LRRC66: variants seen among roughly 807,000 people sequenced by gnomAD.
LRRC66 encodes leucine-rich repeat-containing protein 66.
Under a neutral mutation model 24.6 loss-of-function variants are expected in LRRC66, and 29 were observed. That is an observed-to-expected ratio of 1.18 (90% CI 0.88 to 1.61). The LOEUF is 1.61. LRRC66 is among the 40% of genes most tolerant of loss of function. The pLI is 0.00. For missense variants in LRRC66, 1,124 were observed against 1,058.0 expected, an observed-to-expected ratio of 1.06 and a Z score of -0.87; for synonymous variants, 411 against 397.6, an observed-to-expected ratio of 1.03 and a Z score of -0.40.
intron 4 of LRRC66, among the ~76,000 whole-genome samples, chr4:51,996,644 C>A (rs1302671381): frequency 6.6e-6 from 1 of 152,150 alleles, no homozygotes; most frequent in Non-Finnish European, 1.5e-5. Context: ...TGATGATAAG[C>A]AGTTTAAAAA....
chr4:52,008,355 G>A, intron 2 of LRRC66, among the ~76,000 whole-genome samples: 1 of 150,266 alleles, frequency 6.7e-6, no homozygotes, highest in South Asian at 2.1e-4. Flanking sequence ...TGGATTATAA[G>A]TATAATATGC....
intron 2 of LRRC66, among the ~76,000 whole-genome samples, chr4:52,014,660 G>A (rs193115303): frequency 2.0e-4 from 31 of 152,282 alleles, no homozygotes; most frequent in African/African-American, 7.5e-4. Flanking sequence ...CTCAGCCATA[G>A]TCACAGAATC....
chr4:52,019,646 A>G (rs2110206258), intron 1 of LRRC66, among the ~76,000 whole-genome samples: 1 of 152,328 alleles, frequency 6.6e-6, no homozygotes, highest in East Asian at 1.9e-4. Context: ...AATACTAGAA[A>G]TTGAATTGAT....
Position 51,995,873 on chromosome 4 carries a change from C to G in LRRC66, c.1149G>C (p.Val383=). The change falls in exon 5 of 5, where the codon GTG becomes GTC. Residue 383 remains valine, a synonymous_variant. Transcript: ENST00000682860. ...TGAAGGCGACAAGGAATGTGATGAACACTGACAGGCACACCGCCAGAGCCA... is the reference window on the plus strand; with the variant it reads ...TGAAGGCGACAAGGAATGTGATGAAGACTGACAGGCACACCGCCAGAGCCA... ...QDLALAVCLS[V]FITFLVAFSL... is the part of the protein sequence containing the mutation. 6.2e-7 allele frequency: 1 copy of G among 1,614,172 alleles called. No individual in the cohort carries two copies.
intron 2 of LRRC66, among the ~76,000 whole-genome samples, chr4:52,006,033 G>A (rs1736575176): frequency 6.6e-6 from 1 of 152,166 alleles, no homozygotes; most frequent in Admixed American, 6.5e-5. Flanking sequence ...TACCTGCCTG[G>A]CCTATATAAG....
chr4:52,007,212 C>G (rs1397369442), intron 2 of LRRC66, among the ~76,000 whole-genome samples: 5 of 152,142 alleles, frequency 3.3e-5, no homozygotes, highest in Non-Finnish European at 7.3e-5. Flanking sequence ...CAGGATCTTG[C>G]TCTGTCACCA....
intron 1 of LRRC66, among the ~76,000 whole-genome samples, chr4:52,019,397 C>A (rs1367382461): frequency 6.6e-6 from 1 of 151,644 alleles, no homozygotes; most frequent in Non-Finnish European, 1.5e-5. Context: ...TCTATCTATC[C>A]AATGTTTTAC....
chr4:52,010,794 T>C (rs771678626), intron 2 of LRRC66, among the ~76,000 whole-genome samples: 2 of 152,178 alleles, frequency 1.3e-5, no homozygotes, highest in Non-Finnish European at 2.9e-5. Flanking sequence ...TTTTGTAGAA[T>C]GATTTATTTT....
intron 3 of LRRC66, among the ~76,000 whole-genome samples, chr4:51,999,684 C>G (rs1220955635): frequency 6.6e-6 from 1 of 151,988 alleles, no homozygotes; most frequent in East Asian, 1.9e-4. Context: ...AGAAGCAAAA[C>G]TGGAGGGAGG....
chr4:52,008,749 G>A (rs996294884), intron 2 of LRRC66, among the ~76,000 whole-genome samples: 1 of 152,028 alleles, frequency 6.6e-6, no homozygotes, highest in Non-Finnish European at 1.5e-5. Context: ...ATCAGGAGTA[G>A]ACCCAGAGTA....
At position 51,995,358 on chromosome 4, in the gene LRRC66, A is replaced by G. The variant is rs778760105; in HGVS notation, c.1664T>C (p.Val555Ala). 1.9e-6 allele frequency: 3 copies of G among 1,614,104 alleles called. No homozygotes were observed. The highest frequency in any genetic ancestry group is 2.5e-6 in the Non-Finnish European group (3 of 1,180,014). The change falls in exon 5 of 5, where the codon GTC becomes GCC. Residue 555 changes from valine (V) to alanine (A), a missense_variant. Transcript: ENST00000682860. ...GTGAGACGTGCCAGCTACAGAAGAGACGCCCACTGAATGTGCACTGAGAGG... is the reference window on the plus strand; with the variant it reads ...GTGAGACGTGCCAGCTACAGAAGAGGCGCCCACTGAATGTGCACTGAGAGG... Reference protein sequence around the residue: ...EEPLSAHSVGVSSVAGTSHAV... With the variant: ...EEPLSAHSVGASSVAGTSHAV...
At position 51,996,269 on chromosome 4, in the gene LRRC66, T is replaced by G. The variant is rs1736315518; in HGVS notation, c.857-104A>C. ...TTGAAAAAAATTCAATTTTTTTGAA[T>G]TTTGAATTCCAGGCACACCCAGCCT... On this transcript the variant is annotated intron_variant, in intron 4 of 4. Coordinates refer to ENST00000682860, the MANE Select transcript of LRRC66 (RefSeq NM_001024611.3). 1.0e-5 allele frequency: 12 copies of G among 1,180,246 alleles called. No individual in the cohort carries two copies. In the South Asian group the frequency reaches 1.7e-4, roughly 16 times the overall value. The allele number at this position is 1,180,246 out of a possible 1,614,324, so 73.1% of individuals were successfully genotyped here. A position where few individuals can be genotyped will look rare whatever the true frequency, so the allele number is the denominator to read the frequency against.
intron 2 of LRRC66, among the ~76,000 whole-genome samples, chr4:52,010,283 C>T (rs1388216008): frequency 2.0e-5 from 3 of 152,082 alleles, no homozygotes; most frequent in Admixed American, 2.0e-4. Flanking sequence ...TGAACCTTTC[C>T]CCACAGTTCA....
At chr4:52,002,593 C>T (rs943675133) in intron 3 of LRRC66, among the ~76,000 whole-genome samples, 2 of 152,224 alleles carry the variant, frequency 1.3e-5, no homozygotes, top group Non-Finnish European at 2.9e-5. Context: ...AGATTAACTG[C>T]AACGCGCCAG....
chr4:51,995,950 TTCTAACACTCCTTGGCAGCCGTC>T lies in LRRC66; in HGVS notation c.1049_1071del (p.Arg350LysfsTer45), dbSNP rs753631591. 6.2e-7 allele frequency: 1 copy of T among 1,614,048 alleles called. No homozygotes were observed. The highest frequency in any genetic ancestry group is 1.7e-5 in the Admixed American group (1 of 60,010). On this transcript the variant is annotated frameshift_variant, in exon 5 of 5. Transcript: ENST00000682860. LOFTEE classifies it low-confidence loss of function (END_TRUNC). The stretch of plus-strand genomic sequence containing the variant: ...CCGGCAGCCTGCACATCGCGGGTGC[TTCTAACACTCCTTGGCAGCCGTC>T]TCTGCTTCTTCCTGAGACCAGAGCC...
chr4:52,018,678 AGGGCT>A (rs1318304139), intron 1 of LRRC66: 3 of 851,836 alleles, frequency 3.5e-6, no homozygotes, highest in Non-Finnish European at 4.2e-6. Context: ...AAATCCTCAA[AGGGCT>A]CCTTATTGCC....
At chr4:51,996,343 C>A (rs889424607) in intron 4 of LRRC66, among the ~76,000 whole-genome samples, 178 bp from the exon 5 acceptor site, 33 of 152,250 alleles carry the variant, frequency 2.2e-4, no homozygotes, top group Admixed American at 1.4e-3. Context: ...GACTCCTGGG[C>A]TCAAGTGATC....
In LRRC66 at chr4:51,994,997, A is replaced by G; in HGVS notation, c.2025T>C (p.Ser675=). 6.2e-7 allele frequency: 1 copy of G among 1,614,132 alleles called. No homozygotes were observed. Among genetic ancestry groups the G allele is most frequent in the Non-Finnish European group, 8.5e-7 (1 of 1,180,030 alleles). The stretch of plus-strand genomic sequence containing the variant: ...TGTTAGCAGGAGTGACATCCAGGCC[A>G]CTGTCCCATCTTGGAGGAAAGACTG... The part of the protein sequence containing the change: ...GPSVFPPRWD[S]GLDVTPANKE... Residue 675 remains serine (S), a synonymous_variant, in exon 5 of 5, where the codon AGT becomes AGC. Coordinates refer to ENST00000682860, the MANE Select transcript of LRRC66 (RefSeq NM_001024611.3).
At position 51,996,001 on chromosome 4, in the gene LRRC66, C is replaced by A; in HGVS notation, c.1021G>T (p.Ala341Ser). Residue 341 changes from alanine to serine, a missense_variant, in exon 5 of 5, where the codon GCC (alanine) becomes TCC (serine). Transcript: ENST00000682860. ...GISTLGKKAK[A>S]GSGLRKKQRR... ...TGCTTCTTCCTGAGACCAGAGCCGG[C>A]CTTTGCCTTCTTCCCCAGAGTAGAA... 3 of 1,613,962 alleles carry A rather than the reference C, an allele frequency of 1.9e-6. No homozygotes were observed. The highest frequency in any genetic ancestry group is 2.5e-6 in the Non-Finnish European group (3 of 1,179,964).
Sources: allele counts gnomAD v4.1 joint callset (sites outside exome capture counted in the v4.1 genomes callset), GRCh38; gene constraint gnomAD v4.1.1; transcripts MANE v1.5; gene names NCBI Gene and HGNC (gene_info 2026-07-23, HGNC 2026-07-21).